Variants in HPSE2 observed in about 807,000 individuals in gnomAD.
HPSE2 encodes the protein inactive heparanase-2.
In HPSE2, 38 loss-of-function variants were observed where a neutral mutation model predicts 60.5. That is an observed-to-expected ratio of 0.63 (90% CI 0.48 to 0.82). The LOEUF (loss-of-function observed/expected upper bound fraction) is 0.82, where lower values mean the gene tolerates loss of function less well. HPSE2 is among the 40% of genes least tolerant of loss of function. The probability of loss-of-function intolerance (pLI) is 0.00; values close to 1 mark genes in which losing one functional copy is unlikely to be tolerated. For synonymous variants in HPSE2, 295 were observed against 293.2 expected (o/e 1.01, Z -0.06); for missense variants, 713 against 740.4 (o/e 0.96, Z 0.43).
intron 6 of HPSE2, among the ~76,000 whole-genome samples, chr10:98,657,882 A>C (rs759466817): frequency 3.9e-5 from 6 of 152,208 alleles, no homozygotes; most frequent in Non-Finnish European, 8.8e-5. Context: ...ATAGTTGGTA[A>C]GGTTGAAAAA....
intron 9 of HPSE2, among the ~76,000 whole-genome samples, chr10:98,492,370 T>C (rs1021136546): frequency 2.0e-5 from 3 of 151,966 alleles, no homozygotes; most frequent in Admixed American, 6.6e-5. Flanking sequence ...GGCGTGGTGA[T>C]GGGCGCCTGT....
intron 3 of HPSE2, among the ~76,000 whole-genome samples, chr10:98,856,547 G>A (rs1484588562): frequency 6.6e-6 from 1 of 152,050 alleles, no homozygotes; most frequent in Non-Finnish European, 1.5e-5. Flanking sequence ...ATTTATTAGG[G>A]ACCATGCAAA....
intron 6 of HPSE2, among the ~76,000 whole-genome samples, chr10:98,680,597 C>T (rs1366901766): frequency 2.6e-5 from 4 of 151,948 alleles, no homozygotes; most frequent in Non-Finnish European, 5.9e-5. Context: ...TAAGAATGTC[C>T]TTGATAAAGT....
chr10:98,897,045 G>C (rs1953511380), intron 3 of HPSE2, among the ~76,000 whole-genome samples: 1 of 152,180 alleles, frequency 6.6e-6, no homozygotes, highest in South Asian at 2.1e-4. Context: ...AACCTTGGAT[G>C]GAGCTGGAGG....
intron 9 of HPSE2, among the ~76,000 whole-genome samples, chr10:98,529,861 T>C (rs1943078499): frequency 6.6e-6 from 1 of 152,248 alleles, no homozygotes; most frequent in Admixed American, 6.5e-5. Context: ...TCTCTCACCT[T>C]GTTTCTCTCC....
intron 3 of HPSE2, among the ~76,000 whole-genome samples, chr10:98,962,335 G>A (rs1352127606): frequency 6.8e-6 from 1 of 147,952 alleles, no homozygotes; most frequent in Non-Finnish European, 1.5e-5. Context: ...ACCTTGGGCA[G>A]TATGGCCATT....
intron 3 of HPSE2, among the ~76,000 whole-genome samples, chr10:99,015,888 G>A (rs916989280): frequency 6.6e-6 from 1 of 152,084 alleles, no homozygotes; most frequent in African/African-American, 2.4e-5. Flanking sequence ...TTTTTTATGG[G>A]CTTGTTTTTT....
chr10:98,610,087 C>T (rs1055172025), intron 9 of HPSE2, among the ~76,000 whole-genome samples: 5 of 152,110 alleles, frequency 3.3e-5, no homozygotes, highest in Non-Finnish European at 4.4e-5. Context: ...GTGATCCGCC[C>T]GCCTTGGCCT....
chr10:98,936,908 G>T (rs1289347656), intron 3 of HPSE2, among the ~76,000 whole-genome samples: 2 of 134,620 alleles, frequency 1.5e-5, no homozygotes, highest in East Asian at 4.1e-4. Context: ...AATCCCGGGA[G>T]GCGGAGGTTG....
At chr10:99,087,614 C>T (rs903696661) in intron 3 of HPSE2, among the ~76,000 whole-genome samples, 10 of 152,192 alleles carry the variant, frequency 6.6e-5, no homozygotes, top group East Asian at 1.9e-4. Context: ...CATGCGTAAC[C>T]GGGTGGGATC....
chr10:99,154,297 T>G (rs1325103374), intron 2 of HPSE2, among the ~76,000 whole-genome samples: 4 of 126,738 alleles, frequency 3.2e-5, no homozygotes, highest in Admixed American at 8.7e-5. Context: ...AGACACATCA[T>G]TGTCAGATTC....
At chr10:98,587,035 T>G (rs1447335967) in intron 9 of HPSE2, among the ~76,000 whole-genome samples, 1 of 152,232 alleles carries the variant, frequency 6.6e-6, no homozygotes, top group African/African-American at 2.4e-5. Flanking sequence ...GATAAGGTAT[T>G]TATAAGATGG....
intron 3 of HPSE2, among the ~76,000 whole-genome samples, chr10:99,108,605 A>G (rs1205595756): frequency 1.3e-5 from 2 of 152,212 alleles, no homozygotes; most frequent in African/African-American, 2.4e-5. Context: ...TCATTACTCT[A>G]TAACGAGACC....
At chr10:98,655,933 T>G (rs1459571873) in intron 6 of HPSE2, among the ~76,000 whole-genome samples, 1 of 152,178 alleles carries the variant, frequency 6.6e-6, no homozygotes, top group East Asian at 1.9e-4. Flanking sequence ...GGGTGTCCCC[T>G]CAACACATAT....
At chr10:98,900,223 T>C (rs899652985) in intron 3 of HPSE2, among the ~76,000 whole-genome samples, 1 of 152,168 alleles carries the variant, frequency 6.6e-6, no homozygotes, top group African/African-American at 2.4e-5. Flanking sequence ...AGCTGTGGTA[T>C]AGCCATACAA....
intron 3 of HPSE2, among the ~76,000 whole-genome samples, chr10:98,843,186 TCC>T (rs1241170841): frequency 1.3e-5 from 2 of 151,976 alleles, no homozygotes; most frequent in African/African-American, 4.8e-5. Flanking sequence ...CTCTTCCTCC[TCC>T]TCCTCCCACC....
chr10:98,916,080 T>C (rs1312812117), intron 3 of HPSE2, among the ~76,000 whole-genome samples: 1 of 152,226 alleles, frequency 6.6e-6, no homozygotes, highest in East Asian at 1.9e-4. Context: ...GGATGAGATA[T>C]TTTGCAATTC....
intron 9 of HPSE2, among the ~76,000 whole-genome samples, chr10:98,517,149 C>T (rs1423232143): frequency 6.8e-6 from 1 of 147,370 alleles, no homozygotes; most frequent in East Asian, 2.0e-4. Context: ...GGCTTTCATC[C>T]TCAACACTAT....
At chr10:98,535,715 C>T (rs1368576298) in intron 9 of HPSE2, among the ~76,000 whole-genome samples, 1 of 152,126 alleles carries the variant, frequency 6.6e-6, no homozygotes, top group Non-Finnish European at 1.5e-5. Flanking sequence ...CTTTGTTCTG[C>T]CCTTAGTAGA....
Sources: gnomAD v4.1 joint callset for allele counts (sites outside exome capture counted in the v4.1 genomes callset) on GRCh38, gnomAD v4.1.1 for gene constraint, MANE v1.5 for transcripts, NCBI Gene and HGNC (gene_info 2026-07-23, HGNC 2026-07-21) for gene names.